Variants in USP14 observed in about 807,000 individuals in gnomAD.
USP14 encodes the protein ubiquitin specific peptidase 14.
Under a neutral mutation model 76.5 loss-of-function variants are expected in USP14, and 38 were observed. The ratio of observed to expected loss-of-function variants is 0.50; its 90% confidence interval spans 0.38 to 0.65. The LOEUF is 0.65. Among genes scored for constraint, USP14 ranks in the 30% least tolerant of loss-of-function variants. The pLI, the probability that USP14 is intolerant of heterozygous loss-of-function variation, is 0.00. For synonymous variants in USP14, 192 were observed against 191.7 expected, an observed-to-expected ratio of 1.00 and a Z score of -0.01; for missense variants, 467 against 586.5, an observed-to-expected ratio of 0.80 and a Z score of 2.10.
In USP14 at chr18:196,519, A is replaced by G. The variant is rs1910240171; in HGVS notation, c.464-118A>G. ...AGCCTGGGCAACGGACCAAGACTCC[A>G]TCTCAAAAAAAAAAAAAATTAAGTA... On this transcript the variant is annotated intron_variant, in intron 6 of 15. Transcript: ENST00000261601. The G allele has an allele frequency of 5.1e-6, 6 of 1,186,068 alleles. No individual in the cohort carries two copies. In the South Asian group the frequency reaches 6.6e-5, roughly 13 times the overall value. 73.5% of individuals were successfully genotyped at this position (1,186,068 alleles called of 1,614,324 possible).
At chr18:187,435 C>T (rs147750695) in intron 5 of USP14, among the ~76,000 whole-genome samples, 27 of 152,206 alleles carry the variant, frequency 1.8e-4, no homozygotes, top group African/African-American at 4.1e-4. Flanking sequence ...ATGTTCAATA[C>T]GCCTTTCTCC....
intron 5 of USP14, among the ~76,000 whole-genome samples, chr18:190,760 T>G (rs1910063297): frequency 6.6e-6 from 1 of 152,160 alleles, no homozygotes; most frequent in Admixed American, 6.5e-5. Flanking sequence ...TTGACAGAGA[T>G]AAGGAAAGAT....
intron 3 of USP14, among the ~76,000 whole-genome samples, chr18:174,703 C>T (rs1052220728): frequency 1.3e-5 from 2 of 151,326 alleles, no homozygotes; most frequent in Non-Finnish European, 2.9e-5. Context: ...TTCTGGGGCT[C>T]AAGGGGTTCT....
Position 213,288 on chromosome 18 carries a change from A to G in USP14, c.*2004A>G, listed in dbSNP as rs1910725429. ...AGACCAGGTGAGCTAGGTTTAGAGC[A>G]AAGTATATAAGCCTTGTATGGACTA... On this transcript the variant is annotated 3_prime_UTR_variant, in exon 16 of 16. Coordinates refer to ENST00000261601, the MANE Select transcript of USP14 (RefSeq NM_005151.4). 1.3e-5 allele frequency: 2 copies of G among 152,224 alleles called. No individual in the cohort carries two copies. The highest frequency in any genetic ancestry group is 1.3e-4 in the Admixed American group (2 of 15,288). 9.4% of individuals were successfully genotyped at this position (152,224 alleles called of 1,614,324 possible).
chr18:187,876 T>A (rs1466970380), intron 5 of USP14, among the ~76,000 whole-genome samples: 1 of 152,196 alleles, frequency 6.6e-6, no homozygotes, highest in Non-Finnish European at 1.5e-5. Flanking sequence ...TTAGTTATGA[T>A]GATATTTATG....
At chr18:163,527 T>A in intron 2 of USP14, 74 bp downstream of exon 2, 1 of 1,497,296 alleles carries the variant, frequency 6.7e-7, no homozygotes, top group Non-Finnish European at 9.0e-7. Context: ...AGAAAATTAT[T>A]TAATTTTAAT....
chr18:182,900 A>G (rs1348324480), intron 5 of USP14, among the ~76,000 whole-genome samples: 3 of 152,210 alleles, frequency 2.0e-5, no homozygotes, highest in African/African-American at 7.2e-5. Context: ...GGAGATTAGC[A>G]GGGGCCAGCC....
intron 1 of USP14, 177 bp downstream of exon 1, chr18:158,891 C>T (rs994732085): frequency 4.1e-5 from 44 of 1,070,404 alleles, no homozygotes; most frequent in Non-Finnish European, 5.1e-5. Context: ...GGGTCGGAGC[C>T]CTGCGTGGCA....
chr18:184,690 C>G (rs1909880198), intron 5 of USP14, among the ~76,000 whole-genome samples: 1 of 152,096 alleles, frequency 6.6e-6, no homozygotes, highest in Non-Finnish European at 1.5e-5. Context: ...ATTGCTTGAG[C>G]CTGGGAGGTC....
At chr18:211,066 T>A in intron 15 of USP14, 67 bp from the exon 16 acceptor site, 9 of 1,529,382 alleles carry the variant, frequency 5.9e-6, no homozygotes, top group Non-Finnish European at 8.0e-6. Flanking sequence ...TTGATACTTT[T>A]TTTGCAGTGG....
Position 192,847 on chromosome 18 carries a change from C to T in USP14, c.410C>T (p.Ala137Val). Residue 137 changes from alanine (A) to valine (V), a missense_variant, in exon 6 of 16, where the codon GCA becomes GTA. Transcript: ENST00000261601. ...PELKDALKRY[A>V]GALRASGEMA... ...CTCGGCTTTAATGTTCCTAGGTATG[C>T]AGGTGCCTTGAGAGCTTCAGGGGAA... 1 of 1,613,554 alleles carries T rather than the reference C, an allele frequency of 6.2e-7. No individual in the cohort carries two copies.
intron 2 of USP14, among the ~76,000 whole-genome samples, chr18:164,577 C>G (rs2144208869): frequency 6.6e-6 from 1 of 152,200 alleles, no homozygotes; most frequent in South Asian, 2.1e-4. Context: ...CCTCAGCCTC[C>G]TGAGTAGCTG....
chr18:203,111 G>A lies in USP14; in HGVS notation c.956G>A (p.Arg319Gln), dbSNP rs1910428649. The A allele has an allele frequency of 1.2e-6, 2 of 1,613,974 alleles. No homozygotes were observed. Among genetic ancestry groups the A allele is most frequent in the Non-Finnish European group, 1.7e-6 (2 of 1,179,996 alleles). The change falls in exon 12 of 16, where the codon CGG (arginine) becomes CAG (glutamine). Residue 319 changes from arginine to glutamine, a missense_variant. Arg to Gln is a conservative substitution (Grantham distance 43). Transcript: ENST00000261601. ...TTGTCTCCTCAGTCCAAGATCAGCC[G>A]GCTGCCTGCTTACTTGACCATTCAG... ...ALYIKSSKIS[R>Q]LPAYLTIQMV... is the part of the protein sequence containing the mutation.
At chr18:211,060 T>A in intron 15 of USP14, 73 bp from the exon 16 acceptor site, 3 of 1,505,896 alleles carry the variant, frequency 2.0e-6, no homozygotes, top group Non-Finnish European at 2.7e-6. Context: ...GATGACTTGA[T>A]ACTTTTTTTG....
At chr18:203,993 A>G (rs895307935) in intron 12 of USP14, among the ~76,000 whole-genome samples, 1 of 152,136 alleles carries the variant, frequency 6.6e-6, no homozygotes, top group African/African-American at 2.4e-5. Context: ...GTTCTGCTAC[A>G]TCTCCATAGA....
intron 5 of USP14, among the ~76,000 whole-genome samples, chr18:186,556 C>T (rs1049186000): frequency 2.0e-5 from 3 of 152,044 alleles, no homozygotes; most frequent in African/African-American, 7.2e-5. Context: ...AGTTCAAGAC[C>T]AGCTTGGCTA....
At chr18:158,964 A>G in intron 1 of USP14, 1 of 432,860 alleles carries the variant, frequency 2.3e-6, no homozygotes, top group African/African-American at 2.1e-5. Context: ...AAGCCTCTCA[A>G]AGTCGTGACT....
At chr18:164,135 A>G (rs538027536) in intron 2 of USP14, among the ~76,000 whole-genome samples, 1 of 152,250 alleles carries the variant, frequency 6.6e-6, no homozygotes, top group South Asian at 2.1e-4. Flanking sequence ...AGTTATCTGT[A>G]TTGTGTGAAT....
intron 3 of USP14, among the ~76,000 whole-genome samples, chr18:176,068 C>T (rs148474324): frequency 2.9e-4 from 44 of 151,496 alleles, no homozygotes; most frequent in African/African-American, 9.2e-4. Context: ...GCTGCTTTTT[C>T]GTTTTCCTCT....
Sources: gnomAD v4.1 joint callset for allele counts (sites outside exome capture counted in the v4.1 genomes callset) on GRCh38, gnomAD v4.1.1 for gene constraint, MANE v1.5 for transcripts, NCBI Gene and HGNC (gene_info 2026-07-23, HGNC 2026-07-21) for gene names.